Variants in CFAP20DC observed in about 807,000 individuals in gnomAD.
The protein encoded by CFAP20DC is CFAP20 domain containing.
A neutral mutation model predicts 101.7 loss-of-function variants in CFAP20DC; 84 were observed. The observed-to-expected ratio is 0.83, with a 90% CI of 0.69 to 0.99. The LOEUF (loss-of-function observed/expected upper bound fraction) is 0.99, where lower values mean the gene tolerates loss of function less well. CFAP20DC is among the 50% of genes least tolerant of loss of function. The pLI is 0.00. For synonymous variants in CFAP20DC, 359 were observed against 351.2 expected (o/e 1.02, Z -0.25); for missense variants, 1,007 against 970.3 (o/e 1.04, Z -0.50).
At position 58,866,565 on chromosome 3, in the gene CFAP20DC, C is replaced by A. The variant is rs764719510; in HGVS notation, c.1258+1G>T. ...AGATATGGTGTAATAAAGATGCCAA[C>A]CTGATTGATCAGGAGACTGGGGTCC... On this transcript the variant is annotated splice_donor_variant, in intron 11 of 16. Coordinates refer to ENST00000482387, the MANE Select transcript of CFAP20DC (RefSeq NM_001394063.1). LOFTEE classifies it high-confidence loss of function. 5 of 1,602,870 alleles carry A rather than the reference C, an allele frequency of 3.1e-6. No individual in the cohort carries two copies. The African/African-American group carries it at 6.7e-5, about 22-fold the overall frequency.
chr3:59,047,677 T>C (rs935772807), intron 1 of CFAP20DC, among the ~76,000 whole-genome samples: 2 of 152,246 alleles, frequency 1.3e-5, no homozygotes, highest in African/African-American at 4.8e-5. Flanking sequence ...ACAAGCTTTC[T>C]AGTCATACTG....
chr3:58,951,197 C>A (rs1337093878), intron 4 of CFAP20DC, among the ~76,000 whole-genome samples: 1 of 152,164 alleles, frequency 6.6e-6, no homozygotes, highest in Non-Finnish European at 1.5e-5. Flanking sequence ...CAAATCAAAA[C>A]CACAATGAGA....
chr3:58,826,063 C>T (rs1234265856), intron 14 of CFAP20DC, among the ~76,000 whole-genome samples: 1 of 152,170 alleles, frequency 6.6e-6, no homozygotes, highest in Non-Finnish European at 1.5e-5. Flanking sequence ...CTTCAGACTG[C>T]AATGTGTGTG....
In CFAP20DC at chr3:58,857,704, T is replaced by C. The variant is rs562186246; in HGVS notation, c.1593+5854A>G. Among the ~76,000 whole-genome samples, 5 of 152,276 alleles carry C rather than the reference T, an allele frequency of 3.3e-5. No homozygotes were observed. The East Asian group carries it at 9.6e-4, about 29-fold the overall frequency. ...ACTGGGATGAATGAGAAAGGCAAGA[T>C]GACATAGGAGACTATATTTGAGTAG... On this transcript the variant is annotated intron_variant, in intron 12 of 16. Coordinates refer to ENST00000482387, the MANE Select transcript of CFAP20DC (RefSeq NM_001394063.1).
At chr3:59,021,517 G>A (rs148168451) in intron 4 of CFAP20DC, among the ~76,000 whole-genome samples, 1 of 152,110 alleles carries the variant, frequency 6.6e-6, no homozygotes, top group Admixed American at 6.5e-5. Flanking sequence ...CCTTCTTAGG[G>A]AATCTCCTCC....
intron 4 of CFAP20DC, among the ~76,000 whole-genome samples, chr3:58,948,802 T>A (rs969877040): frequency 1.3e-5 from 2 of 151,992 alleles, no homozygotes; most frequent in Non-Finnish European, 1.5e-5. Flanking sequence ...TGCTGGCCTC[T>A]TAAAATGAGT....
chr3:58,772,244 C>G (rs2070916991), intron 15 of CFAP20DC, among the ~76,000 whole-genome samples: 1 of 152,134 alleles, frequency 6.6e-6, no homozygotes, highest in Non-Finnish European at 1.5e-5. Flanking sequence ...GTGCCCAACA[C>G]TGTGTTGGAT....
At chr3:59,034,135 A>G (rs2094049406) in intron 4 of CFAP20DC, among the ~76,000 whole-genome samples, 2 of 152,200 alleles carry the variant, frequency 1.3e-5, no homozygotes, top group African/African-American at 4.8e-5. Flanking sequence ...CTCTACAGAC[A>G]AGCAAATGCT....
intron 4 of CFAP20DC, among the ~76,000 whole-genome samples, chr3:58,985,692 C>G (rs1279097974): frequency 6.6e-6 from 1 of 152,146 alleles, no homozygotes; most frequent in African/African-American, 2.4e-5. Flanking sequence ...AACCCGTTAG[C>G]AACATCCCCT....
chr3:59,030,569 T>C (rs561391666), intron 4 of CFAP20DC, among the ~76,000 whole-genome samples: 5 of 152,236 alleles, frequency 3.3e-5, no homozygotes, highest in Non-Finnish European at 5.9e-5. Flanking sequence ...AAAATCCAAA[T>C]GTTTGTCCAT....
At chr3:58,890,979 G>A (rs1487368910) in intron 6 of CFAP20DC, among the ~76,000 whole-genome samples, 3 of 143,912 alleles carry the variant, frequency 2.1e-5, no homozygotes, top group South Asian at 2.3e-4. Context: ...CATCCCAGAC[G>A]ATGGGCGGCC....
intron 15 of CFAP20DC, among the ~76,000 whole-genome samples, chr3:58,762,899 A>G (rs2069796938): frequency 1.3e-5 from 2 of 152,360 alleles, no homozygotes; most frequent in South Asian, 4.1e-4. Flanking sequence ...GTTTCTGCGG[A>G]GAAATCAGCT....
At chr3:58,787,146 A>G (rs1320994561) in intron 15 of CFAP20DC, among the ~76,000 whole-genome samples, 1 of 152,030 alleles carries the variant, frequency 6.6e-6, no homozygotes, top group African/African-American at 2.4e-5. Flanking sequence ...AGATTTGATG[A>G]GTATTTCTTA....
rs1182955197 is a variant in CFAP20DC at position 58,863,566 on chromosome 3, T to G, written c.1585A>C (p.Ser529Arg). The G allele has an allele frequency of 1.2e-6, 2 of 1,614,016 alleles. No homozygotes were observed. Among genetic ancestry groups the G allele is most frequent in the Non-Finnish European group, 1.7e-6 (2 of 1,180,006 alleles). ...CTTATCAAGCAGTGTACCTCTTCAC[T>G]GCTGTCGCCGCCGTAAAAATCATCC... The part of the protein sequence containing the change: ...SEDDFYGGDS[S>R]EEGNHSIQGS... Residue 529 changes from serine (S) to arginine (R), a missense_variant, in exon 12 of 17, where the codon AGT becomes CGT. Physicochemically the swap from Ser to Arg is moderately radical, Grantham distance 110. Transcript: ENST00000482387. This position sits in a 1 kb window ranked among gnomAD's most constrained non-coding sequence, Gnocchi z 5.9.
At position 58,891,394 on chromosome 3, in the gene CFAP20DC, G is replaced by A. The variant is rs2082239458; in HGVS notation, c.551-6685C>T. ...GTCCAGCTTCGGCTCCGCATGAGAGGGAGACCGTGGAAAGAGAGGGAGACC... is the reference window on the plus strand; with the variant it reads ...GTCCAGCTTCGGCTCCGCATGAGAGAGAGACCGTGGAAAGAGAGGGAGACC... On this transcript the variant is annotated intron_variant, in intron 6 of 16. Transcript: ENST00000482387. Among the ~76,000 whole-genome samples the A allele has an allele frequency of 2.6e-5, 4 of 151,386 alleles. No individual in the cohort carries two copies. The South Asian group carries it at 6.3e-4, about 24-fold the overall frequency.
intron 5 of CFAP20DC, among the ~76,000 whole-genome samples, chr3:58,930,574 G>C (rs1313681255): frequency 6.6e-6 from 1 of 152,176 alleles, no homozygotes; most frequent in Non-Finnish European, 1.5e-5. Flanking sequence ...GAGAATAGCT[G>C]AACATGTATC....
intron 6 of CFAP20DC, among the ~76,000 whole-genome samples, chr3:58,895,335 A>C (rs2082582034): frequency 6.6e-6 from 1 of 152,182 alleles, no homozygotes; most frequent in Non-Finnish European, 1.5e-5. Flanking sequence ...TCAACTCTTG[A>C]ATGCTTTGCT....
chr3:58,737,281 C>T, downstream of CFAP20DC: 1 of 455,970 alleles, frequency 2.2e-6, no homozygotes, highest in African/African-American at 2.0e-5. This position sits in a 1 kb window ranked among gnomAD's most constrained non-coding sequence, Gnocchi z 4.1. Context: ...CTAACCACCC[C>T]CCACCCCACT....
intron 14 of CFAP20DC, among the ~76,000 whole-genome samples, chr3:58,807,563 C>G (rs1352345874): frequency 6.6e-6 from 1 of 152,206 alleles, no homozygotes; most frequent in Non-Finnish European, 1.5e-5. Context: ...AAAACCCCAT[C>G]TGTACATCAC....
Sources: gnomAD v4.1 joint callset for allele counts (sites outside exome capture counted in the v4.1 genomes callset) on GRCh38, gnomAD v4.1.1 for gene constraint, Gnocchi (gnomAD v3.1) non-coding constraint, MANE v1.5 for transcripts, NCBI Gene and HGNC (gene_info 2026-07-23, HGNC 2026-07-21) for gene names.